Variants in CNTNAP5 observed in about 807,000 individuals in gnomAD.
CNTNAP5 encodes the protein contactin-associated protein-like 5.
CNTNAP5 carries 72 observed loss-of-function variants against 150.2 expected under a neutral mutation model. The observed-to-expected ratio is 0.48, with a 90% CI of 0.40 to 0.58. CNTNAP5 has a LOEUF of 0.58. Ranked by LOEUF, CNTNAP5 falls within the 20% of genes least tolerant of loss-of-function variation. The pLI is 0.00. For missense variants in CNTNAP5, 1,636 were observed against 1,626.2 expected, an observed-to-expected ratio of 1.01 and a Z score of -0.10; for synonymous variants, 672 against 619.8, an observed-to-expected ratio of 1.08 and a Z score of -1.25.
chr2:124,058,018 A>G (rs1240892884), intron 1 of CNTNAP5, among the ~76,000 whole-genome samples: 5 of 152,182 alleles, frequency 3.3e-5, no homozygotes, highest in Non-Finnish European at 7.3e-5. Context: ...AAATAAGTTA[A>G]TAAGCATAGC....
intron 13 of CNTNAP5, among the ~76,000 whole-genome samples, chr2:124,685,761 T>TGC (rs60811602): frequency 0.23 from 30,553 of 133,800 alleles, 3,279 homozygotes; most frequent in Non-Finnish European, 0.28. Flanking sequence ...TGTGTGTGTG[T>TGC]GCGCGCGCGT....
At chr2:124,667,524 G>A (rs562948543) in intron 13 of CNTNAP5, among the ~76,000 whole-genome samples, 11 of 152,282 alleles carry the variant, frequency 7.2e-5, no homozygotes, top group African/African-American at 1.2e-4. Context: ...CATCAGTACC[G>A]TTGGGTTTTG....
chr2:124,447,283 G>T (rs1392783287), intron 6 of CNTNAP5, among the ~76,000 whole-genome samples: 1 of 151,954 alleles, frequency 6.6e-6, no homozygotes, highest in Non-Finnish European at 1.5e-5. Context: ...GTTATCTGTG[G>T]TGATGAAAGA....
chr2:124,686,439 T>A (rs1679195140), intron 13 of CNTNAP5, among the ~76,000 whole-genome samples: 1 of 152,084 alleles, frequency 6.6e-6, no homozygotes, highest in Non-Finnish European at 1.5e-5. Flanking sequence ...TGGTAGACTG[T>A]GATTTAATGG....
rs982536497 is a variant in CNTNAP5 at position 124,418,252 on chromosome 2, G to A, written c.529+662G>A. On this transcript the variant is annotated intron_variant, in intron 4 of 23. Transcript: ENST00000682447. ...CATCATAATAAATAGTTTTTCTGCCGTAAGCAGTGACATATTCTGCTTATA... is the reference window on the plus strand; with the variant it reads ...CATCATAATAAATAGTTTTTCTGCCATAAGCAGTGACATATTCTGCTTATA... Among the ~76,000 whole-genome samples the A allele has an allele frequency of 6.6e-5, 10 of 152,182 alleles. 1 individual carries two copies. Among genetic ancestry groups the A allele is most frequent in the East Asian group, 1.9e-4 (1 of 5,182 alleles).
chr2:124,135,545 C>T (rs1683955504), intron 1 of CNTNAP5, among the ~76,000 whole-genome samples: 1 of 152,346 alleles, frequency 6.6e-6, no homozygotes, highest in Non-Finnish European at 1.5e-5. Flanking sequence ...AACTCAAGTG[C>T]TCATAAGAAG....
At chr2:124,339,797 T>G (rs1430257) in intron 3 of CNTNAP5, among the ~76,000 whole-genome samples, 1 of 151,798 alleles carries the variant, frequency 6.6e-6, no homozygotes, top group South Asian at 2.1e-4. Context: ...TGGGCAGGGG[T>G]GAGGGAATGG....
chr2:124,346,050 A>T (rs1689730013), intron 3 of CNTNAP5, among the ~76,000 whole-genome samples: 2 of 150,762 alleles, frequency 1.3e-5, no homozygotes, highest in Admixed American at 6.6e-5. Flanking sequence ...ATATTTTGCT[A>T]TCATAATAAA....
At chr2:124,358,211 A>G (rs889974536) in intron 3 of CNTNAP5, among the ~76,000 whole-genome samples, 11 of 152,250 alleles carry the variant, frequency 7.2e-5, no homozygotes, top group African/African-American at 2.4e-4. Context: ...GGGCTGAGAC[A>G]ATGGGGTTTT....
At chr2:124,312,148 G>T (rs1462494644) in intron 3 of CNTNAP5, among the ~76,000 whole-genome samples, 2 of 152,166 alleles carry the variant, frequency 1.3e-5, no homozygotes, top group Non-Finnish European at 2.9e-5. Context: ...TTCATATGGG[G>T]GCTCCTTAGT....
At chr2:124,541,149 G>A (rs1411804798) in intron 10 of CNTNAP5, among the ~76,000 whole-genome samples, 2 of 140,184 alleles carry the variant, frequency 1.4e-5, no homozygotes, top group Non-Finnish European at 3.1e-5. Flanking sequence ...TTGGTGTGGA[G>A]ACTTAGAGGA....
intron 13 of CNTNAP5, among the ~76,000 whole-genome samples, chr2:124,729,691 A>G (rs1680230436): frequency 1.3e-5 from 2 of 152,098 alleles, no homozygotes; most frequent in Admixed American, 1.3e-4. Context: ...TTGATGAAAT[A>G]TGATAGTTGT....
At chr2:124,221,599 A>C in intron 1 of CNTNAP5, 106 bp from the exon 2 acceptor site, 1 of 734,556 alleles carries the variant, frequency 1.4e-6, no homozygotes, top group South Asian at 1.7e-5. Flanking sequence ...TGTTCAGAGC[A>C]GGTGGTTAAT....
intron 1 of CNTNAP5, among the ~76,000 whole-genome samples, chr2:124,161,733 A>G (rs575154282): frequency 3.3e-5 from 5 of 152,330 alleles, no homozygotes; most frequent in Non-Finnish European, 5.9e-5. Context: ...ACAAAAACAA[A>G]TGATCTCTGC....
intron 8 of CNTNAP5, among the ~76,000 whole-genome samples, chr2:124,522,238 T>C (rs1573433771): frequency 2.0e-5 from 3 of 152,222 alleles, no homozygotes; most frequent in Non-Finnish European, 1.5e-5. Flanking sequence ...CAGTGTTTTC[T>C]TCCCAGCTGG....
At chr2:124,810,314 C>A (rs1682180343) in intron 19 of CNTNAP5, among the ~76,000 whole-genome samples, 1 of 152,148 alleles carries the variant, frequency 6.6e-6, no homozygotes, top group Non-Finnish European at 1.5e-5. Flanking sequence ...GGGCAAAGAG[C>A]TTGATAATCT....
At chr2:124,806,046 A>G (rs994629593) in intron 19 of CNTNAP5, among the ~76,000 whole-genome samples, 1 of 152,192 alleles carries the variant, frequency 6.6e-6, no homozygotes, top group Non-Finnish European at 1.5e-5. Flanking sequence ...TTTATTCTAT[A>G]ATACCTGCCA....
At chr2:124,600,373 G>C (rs1226157039) in intron 11 of CNTNAP5, among the ~76,000 whole-genome samples, 1 of 152,040 alleles carries the variant, frequency 6.6e-6, no homozygotes, top group Non-Finnish European at 1.5e-5. Context: ...TAGCCCATCT[G>C]GAGTAACGCA....
intron 3 of CNTNAP5, among the ~76,000 whole-genome samples, chr2:124,245,668 A>AAT (rs1021452631): frequency 1.1e-5 from 1 of 87,584 alleles, no homozygotes; most frequent in Admixed American, 1.0e-4. Context: ...TATACACACA[A>AAT]ATATATATAT....
Sources: gnomAD v4.1 joint callset for allele counts (sites outside exome capture counted in the v4.1 genomes callset) on GRCh38, gnomAD v4.1.1 for gene constraint, MANE v1.5 for transcripts, NCBI Gene and HGNC (gene_info 2026-07-23, HGNC 2026-07-21) for gene names.